Variants in RALGAPA1 observed in about 807,000 individuals in gnomAD.
RALGAPA1 encodes the protein Ral GTPase activating protein catalytic subunit alpha 1.
RALGAPA1 carries 52 observed loss-of-function variants against 269.6 expected under a neutral mutation model. The observed-to-expected ratio is 0.19, with a 90% CI of 0.15 to 0.24. The LOEUF is 0.24. RALGAPA1 is among the 10% of genes least tolerant of loss of function. The probability of loss-of-function intolerance (pLI) is 1.00; values close to 1 mark genes in which losing one functional copy is unlikely to be tolerated. For synonymous variants in RALGAPA1, 817 were observed against 1,008.3 expected, an observed-to-expected ratio of 0.81 and a Z score of 3.60; for missense variants, 1,917 against 3,013.9, an observed-to-expected ratio of 0.64 and a Z score of 8.52.
At chr14:35,722,188 C>G (rs2069479985) in intron 15 of RALGAPA1, among the ~76,000 whole-genome samples, 1 of 152,200 alleles carries the variant, frequency 6.6e-6, no homozygotes, top group Non-Finnish European at 1.5e-5. Flanking sequence ...ATTACTAAAT[C>G]TCTAATCTGC....
intron 1 of RALGAPA1, among the ~76,000 whole-genome samples, chr14:35,792,777 C>CAA (rs573027253): frequency 3.8e-3 from 177 of 46,038 alleles, no homozygotes; most frequent in East Asian, 7.2e-3. Flanking sequence ...GACCCTGTCT[C>CAA]AAAAAAAAAA....
intron 6 of RALGAPA1, among the ~76,000 whole-genome samples, chr14:35,758,266 A>C (rs889883391): frequency 4.1e-5 from 6 of 145,458 alleles, no homozygotes; most frequent in Non-Finnish European, 4.5e-5. Context: ...AAAAAAAAAA[A>C]CAAACCGAAA....
chr14:35,801,129 G>T (rs1406122161), intron 1 of RALGAPA1, among the ~76,000 whole-genome samples: 1 of 147,236 alleles, frequency 6.8e-6, no homozygotes, highest in Non-Finnish European at 1.5e-5. Context: ...TCTTTTAGAA[G>T]ATCAATAAAA....
intron 8 of RALGAPA1, 123 bp from the exon 9 acceptor site, chr14:35,750,813 G>T: frequency 2.4e-6 from 2 of 817,508 alleles, no homozygotes; most frequent in Non-Finnish European, 1.9e-6. Context: ...AGTAGCTTTA[G>T]CACAGAAATG....
At position 35,635,490 on chromosome 14, in the gene RALGAPA1, T is replaced by C. The variant is rs1338136186; in HGVS notation, c.5785A>G (p.Lys1929Glu). The C allele has an allele frequency of 1.9e-6, 3 of 1,601,630 alleles. No homozygotes were observed. Among genetic ancestry groups the C allele is most frequent in the Non-Finnish European group, 2.6e-6 (3 of 1,175,340 alleles). Residue 1929 changes from lysine to glutamate, a missense_variant, in exon 32 of 42, where the codon AAA becomes GAA. Lys to Glu is a moderately conservative substitution (Grantham distance 56). Around this residue, in one of 11 missense-constraint regions of RALGAPA1, gnomAD observed 346 missense variants for 566.1 expected, o/e 0.61. Transcript: ENST00000680220. ...ATGAESDKTE[K>E]SVLNCIYKVL... ...TTATAAATGCAATTGAGAACAGATT[T>C]TTCTGTTTTATCGCTTTCTGCTCCC... is the stretch of plus-strand genomic sequence containing the variant.
At chr14:35,797,210 T>A (rs1229309907) in intron 1 of RALGAPA1, among the ~76,000 whole-genome samples, 1 of 151,458 alleles carries the variant, frequency 6.6e-6, no homozygotes, top group East Asian at 2.0e-4. Flanking sequence ...AAAAATTAGC[T>A]GGGCGTGGTG....
chr14:35,628,139 AGACCTT>A (rs920671251), intron 33 of RALGAPA1, among the ~76,000 whole-genome samples, 188 bp from the exon 34 acceptor site: 1 of 152,240 alleles, frequency 6.6e-6, no homozygotes, highest in Admixed American at 6.5e-5. Context: ...TTTATAAGGA[AGACCTT>A]TCTGAAATTT....
intron 35 of RALGAPA1, among the ~76,000 whole-genome samples, chr14:35,611,338 C>G (rs915872166): frequency 1.3e-5 from 2 of 151,906 alleles, no homozygotes; most frequent in Non-Finnish European, 2.9e-5. Flanking sequence ...CTCATCTCTA[C>G]TAAAAATACA....
chr14:35,659,206 G>C lies in RALGAPA1; in HGVS notation c.5329-10C>G. 1 of 1,600,760 alleles carries C rather than the reference G, an allele frequency of 6.2e-7. No homozygotes were observed. The highest frequency in any genetic ancestry group is 2.2e-5 in the East Asian group (1 of 44,612). ...TTTTGATTATAAGTTCCTAAAATAA[G>C]GGGGAAATAGTTAACGGCAATGACT... On this transcript the variant is annotated splice_polypyrimidine_tract_variant and intron_variant, in intron 27 of 41. Coordinates refer to ENST00000680220, the MANE Select transcript of RALGAPA1 (RefSeq NM_001346249.2).
intron 35 of RALGAPA1, among the ~76,000 whole-genome samples, chr14:35,616,240 A>AC (rs924429371): frequency 1.7e-4 from 26 of 152,252 alleles, no homozygotes; most frequent in African/African-American, 4.8e-4. Context: ...TAGAAATGAT[A>AC]GTAGAGAGGC....
intron 37 of RALGAPA1, among the ~76,000 whole-genome samples, chr14:35,573,079 G>C: frequency 6.6e-6 from 1 of 152,150 alleles, no homozygotes; most frequent in East Asian, 1.9e-4. Context: ...AGTTGAGTAA[G>C]AGAAAGTTGA....
At position 35,741,469 on chromosome 14, in the gene RALGAPA1, TAC is replaced by T. The variant is rs148995058; in HGVS notation, c.1449+897_1449+898del. Among the ~76,000 whole-genome samples, 44 of 149,900 alleles carry T rather than the reference TAC, an allele frequency of 2.9e-4. No individual in the cohort carries two copies. The East Asian group carries it at 3.3e-3, about 11-fold the overall frequency. ...GTGTGTATATATACATATACACGTA[TAC>T]ACACACACACACACACGCTCAGGCT... is the stretch of plus-strand genomic sequence containing the variant. On this transcript the variant is annotated intron_variant, in intron 11 of 41. Coordinates refer to ENST00000680220, the MANE Select transcript of RALGAPA1 (RefSeq NM_001346249.2).
chr14:35,725,213 G>A (rs2069786871), intron 13 of RALGAPA1, 60 bp from the exon 14 acceptor site: 2 of 1,289,698 alleles, frequency 1.6e-6, no homozygotes, highest in South Asian at 3.7e-5. Flanking sequence ...TTGGTTAATA[G>A]TTAACTTTCA....
chr14:35,799,267 G>C (rs982575256), intron 1 of RALGAPA1, among the ~76,000 whole-genome samples: 1 of 152,074 alleles, frequency 6.6e-6, no homozygotes, highest in African/African-American at 2.4e-5. Flanking sequence ...GCAAGTTAAA[G>C]ATGTATACTA....
chr14:35,725,434 C>T lies in RALGAPA1; in HGVS notation c.1737-281G>A, dbSNP rs73252304. Among the ~76,000 whole-genome samples the T allele has an allele frequency of 8.3e-3, 1,263 of 152,166 alleles. 14 individuals carry two copies. Among genetic ancestry groups the T allele is most frequent in the African/African-American group, 0.029 (1,195 of 41,508 alleles). On this transcript the variant is annotated intron_variant, in intron 13 of 41. Coordinates refer to ENST00000680220, the MANE Select transcript of RALGAPA1 (RefSeq NM_001346249.2). Reference sequence around the variant, plus strand: ...GAAGTGATAATGTGGAGAATGCTCCCGTCTCCGCAACCACAAATTAAGTAG... The same window carrying T: ...GAAGTGATAATGTGGAGAATGCTCCTGTCTCCGCAACCACAAATTAAGTAG...
chr14:35,565,345 CAT>C (rs1287395702), intron 39 of RALGAPA1, among the ~76,000 whole-genome samples: 7 of 149,880 alleles, frequency 4.7e-5, no homozygotes, highest in Non-Finnish European at 7.4e-5. Flanking sequence ...TAATATATAA[CAT>C]ATATTATACT....
chr14:35,721,540 T>C (rs1332692289), intron 16 of RALGAPA1, 148 bp downstream of exon 16: 11 of 595,974 alleles, frequency 1.8e-5, no homozygotes, highest in Non-Finnish European at 5.7e-6. Context: ...AGACTCTGAG[T>C]ACTTCTGGAA....
intron 39 of RALGAPA1, among the ~76,000 whole-genome samples, chr14:35,561,800 A>G (rs1210051977): frequency 6.6e-6 from 1 of 152,050 alleles, no homozygotes; most frequent in Non-Finnish European, 1.5e-5. Context: ...GTGTACCTGT[A>G]ATACCTAGTT....
chr14:35,648,841 G>A (rs977560301), intron 31 of RALGAPA1, among the ~76,000 whole-genome samples: 6 of 151,926 alleles, frequency 3.9e-5, no homozygotes, highest in South Asian at 2.1e-4. Context: ...AAGCATTTTC[G>A]GGATGATTTG....
Sources: allele counts gnomAD v4.1 joint callset (sites outside exome capture counted in the v4.1 genomes callset), GRCh38; gene constraint gnomAD v4.1.1; regional missense constraint gnomAD v4.1.1; transcripts MANE v1.5; gene names NCBI Gene and HGNC (gene_info 2026-07-23, HGNC 2026-07-21).